The following ARSB variants were observed in gnomAD, a reference collection of about 807,000 sequenced individuals.
ARSB encodes arylsulfatase B.
ARSB carries 41 observed loss-of-function variants against 50.9 expected under a neutral mutation model. That is an observed-to-expected ratio of 0.81 (90% CI 0.63 to 1.04). The LOEUF (loss-of-function observed/expected upper bound fraction) is 1.04, where lower values mean the gene tolerates loss of function less well. Ranked by LOEUF, ARSB falls within the 50% of genes least tolerant of loss-of-function variation. The pLI, the probability that ARSB is intolerant of heterozygous loss-of-function variation, is 0.00. For missense variants in ARSB, 672 were observed against 693.3 expected (o/e 0.97, Z 0.35); for synonymous variants, 269 against 284.8 (o/e 0.94, Z 0.56).
intron 4 of ARSB, among the ~76,000 whole-genome samples, chr5:78,936,483 A>G (rs1414328352): frequency 3.1e-4 from 7 of 22,658 alleles, no homozygotes; most frequent in African/African-American, 2.8e-3. Context: ...ACTCCTAAGA[A>G]AAAAAAAAAA....
intron 6 of ARSB, among the ~76,000 whole-genome samples, chr5:78,789,847 G>A (rs1255438430): frequency 1.3e-5 from 2 of 152,176 alleles, no homozygotes; most frequent in African/African-American, 4.8e-5. Context: ...AAAGGTTAAA[G>A]GCACATAGCA....
At chr5:78,806,884 C>T (rs1446840349) in intron 6 of ARSB, among the ~76,000 whole-genome samples, 2 of 152,228 alleles carry the variant, frequency 1.3e-5, no homozygotes, top group African/African-American at 4.8e-5. Flanking sequence ...TCCCCAAGAA[C>T]TCTACAGTTC....
At chr5:78,868,882 G>A (rs1338645811) in intron 5 of ARSB, among the ~76,000 whole-genome samples, 1 of 151,362 alleles carries the variant, frequency 6.6e-6, no homozygotes, top group Admixed American at 6.6e-5. Flanking sequence ...TGGATAAAGA[G>A]TCAAGACCCA....
intron 2 of ARSB, among the ~76,000 whole-genome samples, chr5:78,968,315 T>TTTATTATTA (rs138887783): frequency 9.8e-5 from 14 of 143,128 alleles, no homozygotes; most frequent in South Asian, 2.2e-4. Flanking sequence ...CATTTTTTAT[T>TTTATTATTA]TTATTATTAT....
At position 78,935,041 on chromosome 5, in the gene ARSB, T is replaced by C. The variant is rs1024245629; in HGVS notation, c.898+20254A>G. Reference sequence around the variant, plus strand: ...ATTATTTAATTTCATTTTTAAGTCATACATTTTTCAAAAAAAGGAGATGAA... The same window carrying C: ...ATTATTTAATTTCATTTTTAAGTCACACATTTTTCAAAAAAAGGAGATGAA... On this transcript the variant is annotated intron_variant, in intron 4 of 7. Coordinates refer to ENST00000264914, the MANE Select transcript of ARSB (RefSeq NM_000046.5). Among the ~76,000 whole-genome samples, 8 of 152,248 alleles carry C rather than the reference T, an allele frequency of 5.3e-5. No homozygotes were observed. The South Asian group carries it at 1.4e-3, about 28-fold the overall frequency.
At chr5:78,937,402 A>G (rs1252803937) in intron 4 of ARSB, among the ~76,000 whole-genome samples, 1 of 136,518 alleles carries the variant, frequency 7.3e-6, no homozygotes, top group Non-Finnish European at 1.5e-5. Context: ...TATATGTAAG[A>G]TATATATATG....
chr5:78,975,919 A>C (rs375548279), intron 1 of ARSB, among the ~76,000 whole-genome samples: 1 of 152,366 alleles, frequency 6.6e-6, no homozygotes, highest in East Asian at 1.9e-4. Context: ...CAAAGGTATA[A>C]TGAATATTTT....
intron 6 of ARSB, 63 bp from the exon 7 acceptor site, chr5:78,782,037 C>T: frequency 1.2e-6 from 2 of 1,600,884 alleles, no homozygotes; most frequent in Non-Finnish European, 1.7e-6. Context: ...TATAAATCAG[C>T]ATTTTATACC....
intron 5 of ARSB, among the ~76,000 whole-genome samples, chr5:78,856,264 C>T (rs1746137360): frequency 6.6e-6 from 1 of 152,098 alleles, no homozygotes; most frequent in South Asian, 2.1e-4. Flanking sequence ...TAGAGGTCAC[C>T]ATATGTGATT....
intron 4 of ARSB, among the ~76,000 whole-genome samples, chr5:78,936,763 AG>A (rs1750624190): frequency 6.6e-6 from 1 of 152,184 alleles, no homozygotes; most frequent in African/African-American, 2.4e-5. Flanking sequence ...TTGTCCAAAT[AG>A]GAGTCCTAAC....
Position 78,985,294 on chromosome 5 carries a change from T to C in ARSB, c.-46A>G. On this transcript the variant is annotated 5_prime_UTR_variant, in exon 1 of 8. Transcript: ENST00000264914. ...AGCGCCTGTGGCGCCACCAGCCCCTTGTACCGCTGATAGAATGAGGAACTG... is the reference window on the plus strand; with the variant it reads ...AGCGCCTGTGGCGCCACCAGCCCCTCGTACCGCTGATAGAATGAGGAACTG... The C allele has an allele frequency of 1.6e-6, 2 of 1,256,192 alleles. No homozygotes were observed. The highest frequency in any genetic ancestry group is 1.6e-5 in the African/African-American group (1 of 64,026). The allele number at this position is 1,256,192 out of a possible 1,614,324, so 77.8% of individuals were successfully genotyped here.
At chr5:78,929,115 T>C (rs1750197320) in intron 4 of ARSB, among the ~76,000 whole-genome samples, 1 of 152,192 alleles carries the variant, frequency 6.6e-6, no homozygotes, top group Non-Finnish European at 1.5e-5. Context: ...AGACTTCATC[T>C]TTCTGTTCTG....
chr5:78,826,876 T>C (rs1744452303), intron 6 of ARSB, among the ~76,000 whole-genome samples: 1 of 152,156 alleles, frequency 6.6e-6, no homozygotes, highest in Non-Finnish European at 1.5e-5. Context: ...CAGGGCAGAA[T>C]GGAAGCCTCC....
chr5:78,861,435 C>T (rs1439101050), intron 5 of ARSB, among the ~76,000 whole-genome samples: 1 of 152,132 alleles, frequency 6.6e-6, no homozygotes, highest in East Asian at 1.9e-4. Context: ...GGCTTCATCC[C>T]TGGGATGCAT....
At chr5:78,808,289 A>C (rs577984091) in intron 6 of ARSB, among the ~76,000 whole-genome samples, 25 of 152,024 alleles carry the variant, frequency 1.6e-4, no homozygotes, top group Non-Finnish European at 3.1e-4. Context: ...TTCATCGGTA[A>C]ATATTTTGGC....
intron 4 of ARSB, among the ~76,000 whole-genome samples, chr5:78,954,387 G>T (rs1285041445): frequency 1.3e-5 from 2 of 152,150 alleles, no homozygotes; most frequent in East Asian, 3.8e-4. Context: ...AACAGATTAG[G>T]AAACAGAATG....
At chr5:78,895,203 G>C (rs1748512743) in intron 4 of ARSB, among the ~76,000 whole-genome samples, 1 of 152,200 alleles carries the variant, frequency 6.6e-6, no homozygotes, top group East Asian at 1.9e-4. Flanking sequence ...TAGCAGGCTA[G>C]AATCTGCAAG....
chr5:78,929,879 GAGTTATGCTTGTTAA>G (rs2112385139), intron 4 of ARSB, among the ~76,000 whole-genome samples: 1 of 151,596 alleles, frequency 6.6e-6, no homozygotes, highest in Non-Finnish European at 1.5e-5. Flanking sequence ...ATAACAAGTA[GAGTTATGCTTGTTAA>G]AGTTATGCTT....
rs1306952819 is a variant in ARSB, at chr5:78,780,430, G to C, written c.1569C>G (p.Pro523=). ...YFPAQDPRCD[P]KATGVWGPWM is the part of the protein sequence containing the mutation. ...AAGGGCCCCACACCCCAGTGGCCTT[G>C]GGATCACAGCGGGGGTCCTGTGCAG... Residue 523 remains proline (P), a synonymous_variant, in exon 8 of 8, where the codon CCC becomes CCG. Coordinates refer to ENST00000264914, the MANE Select transcript of ARSB (RefSeq NM_000046.5). The C allele has an allele frequency of 6.2e-7, 1 of 1,614,148 alleles. No individual in the cohort carries two copies. The highest frequency in any genetic ancestry group is 2.2e-5 in the East Asian group (1 of 44,878).
Sources: gnomAD v4.1 joint callset for allele counts (sites outside exome capture counted in the v4.1 genomes callset) on GRCh38, gnomAD v4.1.1 for gene constraint, MANE v1.5 for transcripts, NCBI Gene and HGNC (gene_info 2026-07-23, HGNC 2026-07-21) for gene names.